The following SNTG1 variants were observed in gnomAD, a reference collection of about 807,000 sequenced individuals.
SNTG1 encodes gamma-1-syntrophin.
A neutral mutation model predicts 74.7 loss-of-function variants in SNTG1; 39 were observed. The ratio of observed to expected loss-of-function variants is 0.52; its 90% CI spans 0.40 to 0.68. SNTG1 has a LOEUF of 0.68. Ranked by LOEUF, SNTG1 falls within the 30% of genes least tolerant of loss-of-function variation. The pLI is 0.00. For missense variants in SNTG1, 685 were observed against 609.5 expected, an observed-to-expected ratio of 1.12 and a Z score of -1.30; for synonymous variants, 254 against 217.1, an observed-to-expected ratio of 1.17 and a Z score of -1.49.
intron 1 of SNTG1, among the ~76,000 whole-genome samples, chr8:50,062,519 A>T (rs2130945376): frequency 6.6e-6 from 1 of 152,208 alleles, no homozygotes; most frequent in South Asian, 2.1e-4. Flanking sequence ...TGTTTCTAGC[A>T]ATTTTCTTTG....
intron 2 of SNTG1, among the ~76,000 whole-genome samples, chr8:50,304,704 C>A (rs1237665632): frequency 2.6e-5 from 4 of 152,206 alleles, no homozygotes; most frequent in East Asian, 1.9e-4. Context: ...TGACTTATAT[C>A]TTTATTGTCT....
intron 1 of SNTG1, among the ~76,000 whole-genome samples, chr8:49,962,601 T>C (rs189529070): frequency 1.3e-5 from 2 of 151,998 alleles, no homozygotes; most frequent in East Asian, 1.9e-4. Flanking sequence ...TCTCCTCTCG[T>C]TGGGATGCAA....
rs1169663838 is a variant in SNTG1, at chr8:50,793,613, G to C, written c.*784G>C. 6.6e-6 allele frequency: 1 copy of C among 151,766 alleles called. No individual in the cohort carries two copies. The highest frequency in any genetic ancestry group is 2.4e-5 in the African/African-American group (1 of 41,380). 9.4% of individuals were successfully genotyped at this position (151,766 alleles called of 1,614,324 possible). On this transcript the variant is annotated 3_prime_UTR_variant, in exon 19 of 19. Transcript: ENST00000642720. ...GAACCTCTCATTTCTTCCTTGGTTT[G>C]AAAGAGATTTGTATTTTACCTAATA...
In SNTG1 at chr8:49,946,779, G is replaced by A. The variant is rs556427817; in HGVS notation, c.-103+34548G>A. Among the ~76,000 whole-genome samples the A allele has an allele frequency of 1.1e-4, 17 of 152,174 alleles. No individual in the cohort carries two copies. In the East Asian group the frequency reaches 3.3e-3, roughly 29 times the overall value. ...TTTACCTAGACAAAATCTAAATCAT[G>A]AAAAGATGAATGTTGTATCTCCATG... is the stretch of plus-strand genomic sequence containing the variant. On this transcript the variant is annotated intron_variant, in intron 1 of 18. Coordinates refer to ENST00000642720, the MANE Select transcript of SNTG1 (RefSeq NM_018967.5).
chr8:50,407,483 G>A (rs1402639920), intron 4 of SNTG1, among the ~76,000 whole-genome samples: 1 of 152,194 alleles, frequency 6.6e-6, no homozygotes, highest in East Asian at 1.9e-4. Context: ...AAATCCTGAG[G>A]ATTATAGAAT....
chr8:50,661,988 G>A (rs944907007), intron 15 of SNTG1, among the ~76,000 whole-genome samples: 8 of 152,046 alleles, frequency 5.3e-5, no homozygotes, highest in East Asian at 1.9e-4. Flanking sequence ...TTCTAGATTC[G>A]ATGCTAATGG....
chr8:50,111,449 T>C (rs748931266), intron 1 of SNTG1, among the ~76,000 whole-genome samples: 3 of 152,102 alleles, frequency 2.0e-5, no homozygotes, highest in Non-Finnish European at 4.4e-5. Flanking sequence ...TTCTCATTCT[T>C]CTTGCACCTA....
At chr8:50,117,838 AAT>A (rs1031488335) in intron 1 of SNTG1, among the ~76,000 whole-genome samples, 5 of 152,070 alleles carry the variant, frequency 3.3e-5, no homozygotes, top group Admixed American at 3.3e-4. Context: ...CTTTAATATT[AAT>A]ATTAGGTCTG....
intron 2 of SNTG1, among the ~76,000 whole-genome samples, chr8:50,386,700 TAAGAGAGGAAGC>T (rs1409584095): frequency 6.6e-6 from 1 of 151,920 alleles, no homozygotes; most frequent in Non-Finnish European, 1.5e-5. Flanking sequence ...TGTCATGTGG[TAAGAGAGGAAGC>T]AAGAGAGAAA....
chr8:50,285,793 A>G (rs543491967), intron 2 of SNTG1, among the ~76,000 whole-genome samples: 106 of 131,654 alleles, frequency 8.1e-4, no homozygotes, highest in Non-Finnish European at 1.4e-3. Context: ...TATTATATCC[A>G]ACAATAAAAC....
At chr8:50,577,061 T>C (rs1585736450) in intron 12 of SNTG1, among the ~76,000 whole-genome samples, 5 of 152,310 alleles carry the variant, frequency 3.3e-5, no homozygotes, top group Admixed American at 2.6e-4. Flanking sequence ...ATCCTTTTCA[T>C]AGGAAAAGGT....
intron 2 of SNTG1, among the ~76,000 whole-genome samples, chr8:50,299,083 C>T (rs1164912825): frequency 6.6e-6 from 1 of 152,084 alleles, no homozygotes; most frequent in East Asian, 1.9e-4. Context: ...AAAGTAATTG[C>T]TAATGTTAAG....
At chr8:50,486,490 A>G (rs1365125691) in intron 8 of SNTG1, among the ~76,000 whole-genome samples, 53 of 112,748 alleles carry the variant, frequency 4.7e-4, no homozygotes, top group Admixed American at 4.1e-3. Flanking sequence ...GATTTTTTGT[A>G]CATTGATTTT....
chr8:50,273,579 G>A (rs1391826918), intron 2 of SNTG1, among the ~76,000 whole-genome samples: 2 of 152,152 alleles, frequency 1.3e-5, no homozygotes, highest in East Asian at 3.9e-4. Context: ...CGGTGTCATG[G>A]GTATTGGAAG....
At chr8:49,942,188 C>T (rs1437295866) in intron 1 of SNTG1, among the ~76,000 whole-genome samples, 2 of 152,062 alleles carry the variant, frequency 1.3e-5, no homozygotes, top group Non-Finnish European at 2.9e-5. Flanking sequence ...AATTGATGCC[C>T]TATTTGTCTT....
chr8:50,231,419 G>A (rs560100845), intron 2 of SNTG1, among the ~76,000 whole-genome samples: 1 of 151,354 alleles, frequency 6.6e-6, no homozygotes, highest in Admixed American at 6.6e-5. Flanking sequence ...ATGTCAAATA[G>A]ATGTCTGAAC....
intron 10 of SNTG1, among the ~76,000 whole-genome samples, chr8:50,530,723 T>C (rs113895330): frequency 5.3e-5 from 8 of 152,214 alleles, no homozygotes; most frequent in African/African-American, 1.9e-4. Context: ...TATTTTGACA[T>C]GTAAAGAACG....
chr8:50,519,673 G>C (rs1202673311), intron 9 of SNTG1, among the ~76,000 whole-genome samples: 1 of 151,910 alleles, frequency 6.6e-6, no homozygotes, highest in Non-Finnish European at 1.5e-5. Context: ...GACAAACAGA[G>C]AGCCAAATCC....
At chr8:50,254,493 G>A (rs2086785732) in intron 2 of SNTG1, among the ~76,000 whole-genome samples, 1 of 151,892 alleles carries the variant, frequency 6.6e-6, no homozygotes, top group African/African-American at 2.4e-5. Flanking sequence ...TCTTCTACTT[G>A]AGTCTCAAAT....
Sources: allele counts gnomAD v4.1 joint callset (sites outside exome capture counted in the v4.1 genomes callset), GRCh38; gene constraint gnomAD v4.1.1; transcripts MANE v1.5; gene names NCBI Gene and HGNC (gene_info 2026-07-23, HGNC 2026-07-21).